ABCA4: variants seen among roughly 807,000 people sequenced by gnomAD.
The protein encoded by ABCA4 is ATP binding cassette subfamily A member 4.
In ABCA4, 196 loss-of-function variants were observed where a neutral mutation model predicts 263.7. The ratio of observed to expected loss-of-function variants is 0.74; its 90% CI spans 0.66 to 0.84. The LOEUF (loss-of-function observed/expected upper bound fraction) is 0.84, where lower values mean the gene tolerates loss of function less well. Among genes scored for constraint, ABCA4 ranks in the 40% least tolerant of loss-of-function variants. The pLI is 0.00. For missense variants in ABCA4, 2,792 were observed against 2,855.1 expected, an observed-to-expected ratio of 0.98 and a Z score of 0.50; for synonymous variants, 1,133 against 1,094.2, an observed-to-expected ratio of 1.04 and a Z score of -0.70.
At chr1:93,994,484 T>C (rs564421933) in intron 49 of ABCA4, among the ~76,000 whole-genome samples, 1 of 152,356 alleles carries the variant, frequency 6.6e-6, no homozygotes, top group Non-Finnish European at 1.5e-5. Flanking sequence ...TTGTAAATTC[T>C]CTCTAAAACT....
intron 43 of ABCA4, among the ~76,000 whole-genome samples, chr1:94,007,036 C>T (rs112900911): frequency 5.9e-5 from 9 of 152,328 alleles, no homozygotes; most frequent in East Asian, 1.9e-4. Flanking sequence ...CAAGGGCACA[C>T]GCCAGTTTTC....
chr1:93,993,199 A>C lies in ABCA4; in HGVS notation c.*38T>G. 6.2e-7 allele frequency: 1 copy of C among 1,613,866 alleles called. No individual in the cohort carries two copies. The highest frequency in any genetic ancestry group is 1.1e-5 in the South Asian group (1 of 91,074). ...GGCTCCTGCGCCTCCAGCTGCCCAGAGTTCCTTTCTGGCTGCAGGAACGAG... is the reference window on the plus strand; with the variant it reads ...GGCTCCTGCGCCTCCAGCTGCCCAGCGTTCCTTTCTGGCTGCAGGAACGAG... On this transcript the variant is annotated 3_prime_UTR_variant, in exon 50 of 50. Coordinates refer to ENST00000370225, the MANE Select transcript of ABCA4 (RefSeq NM_000350.3).
At chr1:94,088,873 C>T (rs190823426) in intron 6 of ABCA4, among the ~76,000 whole-genome samples, 118 of 152,342 alleles carry the variant, frequency 7.7e-4, no homozygotes, top group Non-Finnish European at 9.8e-4. Flanking sequence ...AAGGAACAGC[C>T]ACACTCATGT....
Position 94,031,935 on chromosome 1 carries a change from G to A in ABCA4, c.3971C>T (p.Ala1324Val), listed in dbSNP as rs369361520. The A allele has an allele frequency of 1.5e-5, 24 of 1,613,978 alleles. No homozygotes were observed. Among genetic ancestry groups the A allele is most frequent in the East Asian group, 6.7e-5 (3 of 44,890 alleles). ...CTGGCCCTCTGGGTGAGCAGCCGGCGCCCCTGGGGAGCAGACATTGGAGTC... is the reference window on the plus strand; with the variant it reads ...CTGGCCCTCTGGGTGAGCAGCCGGCACCCCTGGGGAGCAGACATTGGAGTC... ...PQDSNVCSPG[A>V]PAAHPEGQPP... The change falls in exon 27 of 50, where the codon GCG becomes GTG. Residue 1324 changes from alanine to valine, a missense_variant. Ala to Val is a moderately conservative substitution (Grantham distance 64). Coordinates refer to ENST00000370225, the MANE Select transcript of ABCA4 (RefSeq NM_000350.3).
chr1:94,085,719 G>T (rs1661810162), intron 6 of ABCA4, among the ~76,000 whole-genome samples: 1 of 151,772 alleles, frequency 6.6e-6, no homozygotes, highest in African/African-American at 2.4e-5. Context: ...CTGGTGCCTG[G>T]CTCCCTCACT....
intron 7 of ABCA4, 135 bp downstream of exon 7, chr1:94,083,217 T>C: frequency 2.3e-6 from 2 of 863,666 alleles, no homozygotes; most frequent in Non-Finnish European, 1.9e-6. Flanking sequence ...ACAGGTGCTT[T>C]GAAATTGCTA....
chr1:94,099,651 G>T (rs1441910863), intron 5 of ABCA4, among the ~76,000 whole-genome samples: 2 of 152,194 alleles, frequency 1.3e-5, no homozygotes, highest in Admixed American at 6.5e-5. Flanking sequence ...GCAAACAAAA[G>T]CACCAGATGC....
chr1:94,111,354 T>C (rs1570432895), intron 3 of ABCA4, 84 bp downstream of exon 3: 1 of 1,544,796 alleles, frequency 6.5e-7, no homozygotes, highest in Non-Finnish European at 8.9e-7. Context: ...CAGTGCTCCA[T>C]GCTCCGTGCA....
At chr1:94,063,355 A>T (rs368070109) in intron 11 of ABCA4, 38 bp from the exon 12 acceptor site, 1 of 1,587,954 alleles carries the variant, frequency 6.3e-7, no homozygotes, top group South Asian at 1.1e-5. Context: ...TGTGAGGAGG[A>T]CCAACTGCAA....
rs1557810383 is a variant in ABCA4, at chr1:94,112,940, C to T, written c.160+33G>A. On this transcript the variant is annotated intron_variant, in intron 2 of 49. Coordinates refer to ENST00000370225, the MANE Select transcript of ABCA4 (RefSeq NM_000350.3). The stretch of plus-strand genomic sequence containing the variant: ...CAAAAGGCCCAGACCAAAGTCTCTT[C>T]AGGGCTTGCCCAAGCTACCCTGCTA... 3.8e-6 allele frequency: 6 copies of T among 1,571,906 alleles called. No homozygotes were observed. In the Admixed American group the frequency reaches 8.3e-5, roughly 22 times the overall value.
At position 94,077,813 on chromosome 1, in the gene ABCA4, G is replaced by T. The variant is rs748817134; in HGVS notation, c.1431C>A (p.Ala477=). 1.9e-6 allele frequency: 3 copies of T among 1,614,192 alleles called. No individual in the cohort carries two copies. Among genetic ancestry groups the T allele is most frequent in the South Asian group, 2.2e-5 (2 of 91,082 alleles). ...GGCCCTTGTAGAGGAAGTTTAGGAT[G>T]GCTTCAGCAGTAATACCTTCTTCAC... ...QLGEEGITAE[A]ILNFLYKGPR... The change falls in exon 11 of 50, where the codon GCC becomes GCA. Residue 477 remains alanine, a synonymous_variant. Coordinates refer to ENST00000370225, the MANE Select transcript of ABCA4 (RefSeq NM_000350.3).
At chr1:94,020,776 T>A (rs979584422) in intron 35 of ABCA4, among the ~76,000 whole-genome samples, 1 of 152,200 alleles carries the variant, frequency 6.6e-6, no homozygotes, top group East Asian at 1.9e-4. Flanking sequence ...AAGGCCACTG[T>A]CTCCACTGGC....
At chr1:94,029,757 T>C (rs1660146487) in intron 29 of ABCA4, 126 bp from the exon 30 acceptor site, 4 of 954,536 alleles carry the variant, frequency 4.2e-6, no homozygotes, top group Non-Finnish European at 6.5e-6. Flanking sequence ...TCTTATTCTC[T>C]TGGAGGCTGG....
intron 37 of ABCA4, among the ~76,000 whole-genome samples, chr1:94,015,001 C>T (rs1436160001): frequency 6.6e-6 from 1 of 152,216 alleles, no homozygotes; most frequent in Non-Finnish European, 1.5e-5. Flanking sequence ...ACACCTCCCA[C>T]TCTAGCCTGG....
rs763280252 is a variant in ABCA4 at position 94,055,244 on chromosome 1, C to A, written c.2454G>T (p.Gly818=). 3.0e-5 allele frequency: 49 copies of A among 1,614,064 alleles called. No individual in the cohort carries two copies. Among genetic ancestry groups the A allele is most frequent in the Non-Finnish European group, 3.9e-5 (46 of 1,180,044 alleles). The change falls in exon 16 of 50, where the codon GGG becomes GGT. Residue 818 remains glycine (G), a synonymous_variant. Transcript: ENST00000370225. ...TGTTCCCGATGTTGCTCCACTGCAG[C>A]CCCAGGCCTTGCTCTTCAAAGCGAA... ...YLVRFEEQGL[G]LQWSNIGNSP...
intron 11 of ABCA4, among the ~76,000 whole-genome samples, chr1:94,066,358 G>A (rs1015212185): frequency 6.6e-6 from 1 of 152,216 alleles, no homozygotes; most frequent in Non-Finnish European, 1.5e-5. Context: ...AAGATAAGTA[G>A]TCAAATAATC....
At chr1:94,043,556 C>T (rs1660580448) in intron 20 of ABCA4, 81 bp from the exon 21 acceptor site, 1 of 1,574,740 alleles carries the variant, frequency 6.4e-7, no homozygotes, top group Non-Finnish European at 8.7e-7. Context: ...TAATTGAGGA[C>T]AAGTATTCTT....
At chr1:94,041,109 G>A in intron 23 of ABCA4, 100 bp downstream of exon 23, 3 of 1,216,740 alleles carry the variant, frequency 2.5e-6, no homozygotes, top group South Asian at 1.2e-5. Context: ...ACTGATTCTG[G>A]TGGCGAGAGC....
Position 94,040,048 on chromosome 1 carries a change from A to C in ABCA4, c.3602T>G (p.Leu1201Arg), listed in dbSNP as rs61750126. 5.0e-3 allele frequency: 7,989 copies of C among 1,603,546 alleles called. 369 individuals are homozygous for C. In the African/African-American group the frequency reaches 0.095, roughly 19 times the overall value. ...HVDDLTPEQV[L>R]DGDVNELMDV... ...ATGGCCCGTCCAGTCCTTACCATCC[A>C]GGACTTGTTCTGGAGTTAGGTCATC... Residue 1201 changes from leucine to arginine, a missense_variant, in exon 24 of 50, where the codon CTG becomes CGG. Physicochemically the swap from Leu to Arg is moderately radical, Grantham distance 102 (BLOSUM62 -2). Transcript: ENST00000370225.
Sources: allele counts gnomAD v4.1 joint callset (sites outside exome capture counted in the v4.1 genomes callset), GRCh38; gene constraint gnomAD v4.1.1; transcripts MANE v1.5; gene names NCBI Gene and HGNC (gene_info 2026-07-23, HGNC 2026-07-21).